FAR2: variants seen among roughly 807,000 people sequenced by gnomAD.
FAR2 encodes fatty acyl-CoA reductase 2.
In FAR2, 19 loss-of-function variants were observed where a neutral mutation model predicts 56.0. The observed-to-expected ratio is 0.34, with a 90% confidence interval of 0.24 to 0.50. The LOEUF (loss-of-function observed/expected upper bound fraction) is 0.50. FAR2 is among the 20% of genes least tolerant of loss of function. The pLI, the probability that FAR2 is intolerant of heterozygous loss-of-function variation, is 0.98. For missense variants in FAR2, 508 were observed against 642.2 expected (o/e 0.79, Z 2.26); for synonymous variants, 219 against 218.8 (o/e 1.00, Z -0.01).
chr12:29,262,070 A>T (rs1364331957), intron 1 of FAR2, among the ~76,000 whole-genome samples: 1 of 152,242 alleles, frequency 6.6e-6, no homozygotes, highest in Non-Finnish European at 1.5e-5. Flanking sequence ...AGAAAGACTA[A>T]ATGATGAACC....
intron 2 of FAR2, among the ~76,000 whole-genome samples, chr12:29,274,116 G>A (rs948205115): frequency 1.6e-4 from 24 of 151,636 alleles, no homozygotes; most frequent in South Asian, 4.2e-4. Flanking sequence ...ATATGTATAC[G>A]TGTGCCATGT....
At chr12:29,153,093 C>T (rs920991508) in intron 1 of FAR2, among the ~76,000 whole-genome samples, 2 of 152,258 alleles carry the variant, frequency 1.3e-5, no homozygotes, top group Non-Finnish European at 2.9e-5. Flanking sequence ...TGACCAGACA[C>T]TGTGCCAGCT....
At chr12:29,149,946 C>T (rs1362319560) in intron 1 of FAR2, among the ~76,000 whole-genome samples, 1 of 152,322 alleles carries the variant, frequency 6.6e-6, no homozygotes. Context: ...CAGCCCCCAG[C>T]CCCACCCCAG....
At chr12:29,258,199 G>T (rs1426194532) in intron 1 of FAR2, among the ~76,000 whole-genome samples, 4 of 136,546 alleles carry the variant, frequency 2.9e-5, no homozygotes, top group Non-Finnish European at 6.5e-5. Flanking sequence ...AAAAAAAAAT[G>T]CAAAAATTAG....
chr12:29,320,578 T>C (rs1949534177), intron 9 of FAR2, among the ~76,000 whole-genome samples: 1 of 152,222 alleles, frequency 6.6e-6, no homozygotes, highest in Non-Finnish European at 1.5e-5. Context: ...GAGCCAACTA[T>C]AGTAATCACT....
intron 1 of FAR2, among the ~76,000 whole-genome samples, chr12:29,209,662 T>C (rs1479641305): frequency 1.3e-5 from 2 of 151,940 alleles, no homozygotes; most frequent in South Asian, 2.1e-4. Flanking sequence ...ATATGTCAAC[T>C]CTTTTCTGCT....
chr12:29,222,312 G>C (rs1947705272), intron 1 of FAR2, among the ~76,000 whole-genome samples: 1 of 152,130 alleles, frequency 6.6e-6, no homozygotes, highest in African/African-American at 2.4e-5. Flanking sequence ...TCATTGTTTT[G>C]ATTGTTAAAG....
At position 29,334,004 on chromosome 12, in the gene FAR2, GA is replaced by G. The variant is rs111442698; in HGVS notation, c.*217del. 9.6e-6 allele frequency: 4 copies of G among 414,864 alleles called. No individual in the cohort carries two copies. The highest frequency in any genetic ancestry group is 1.4e-4 in the South Asian group (2 of 14,702). 25.7% of individuals were successfully genotyped at this position (414,864 alleles called of 1,614,324 possible). ...AGCCCATAGTCACCTATATTTTAGG[GA>G]AAAAAATCCAAATTGTTTCCTAACA... is the stretch of plus-strand genomic sequence containing the variant. On this transcript the variant is annotated 3_prime_UTR_variant, in exon 12 of 12. Coordinates refer to ENST00000536681, the MANE Select transcript of FAR2 (RefSeq NM_001271783.2).
At chr12:29,236,724 C>A (rs1257834028) in intron 1 of FAR2, among the ~76,000 whole-genome samples, 2 of 151,980 alleles carry the variant, frequency 1.3e-5, no homozygotes. Context: ...CTGGGGATTA[C>A]AATTCCAGAT....
intron 1 of FAR2, among the ~76,000 whole-genome samples, chr12:29,257,635 G>A (rs1055185378): frequency 3.3e-5 from 5 of 152,004 alleles, no homozygotes; most frequent in South Asian, 4.2e-4. Context: ...GCGAGACCAC[G>A]AGCCCACCGG....
At chr12:29,181,374 AT>A (rs1158653405) in intron 1 of FAR2, among the ~76,000 whole-genome samples, 1 of 152,136 alleles carries the variant, frequency 6.6e-6, no homozygotes, top group Non-Finnish European at 1.5e-5. Context: ...AAACTAGCCA[AT>A]TTTTTTAGGA....
At chr12:29,301,490 A>C (rs1949163268) in intron 4 of FAR2, 1 of 152,252 alleles carries the variant, frequency 6.6e-6, no homozygotes, top group Non-Finnish European at 1.5e-5. Flanking sequence ...ATAACTGACC[A>C]AGAAAGGCAG....
intron 1 of FAR2, among the ~76,000 whole-genome samples, chr12:29,197,621 A>C (rs531661580): frequency 6.6e-6 from 1 of 152,224 alleles, no homozygotes; most frequent in Non-Finnish European, 1.5e-5. Flanking sequence ...ATGAAGCAAA[A>C]TATGGATCCA....
At chr12:29,192,952 A>T (rs1331358613) in intron 1 of FAR2, among the ~76,000 whole-genome samples, 1 of 152,232 alleles carries the variant, frequency 6.6e-6, no homozygotes, top group African/African-American at 2.4e-5. Flanking sequence ...CACACCGTAC[A>T]TATTAAGAGA....
At chr12:29,256,299 C>T (rs777695554) in intron 1 of FAR2, among the ~76,000 whole-genome samples, 1 of 152,110 alleles carries the variant, frequency 6.6e-6, no homozygotes, top group Non-Finnish European at 1.5e-5. Context: ...GGAATCCTCC[C>T]GGCTCAGCCT....
At chr12:29,248,386 G>A (rs145272327) in intron 1 of FAR2, among the ~76,000 whole-genome samples, 2,533 of 152,140 alleles carry the variant, frequency 0.017, 32 homozygotes, top group Non-Finnish European at 0.026. Context: ...ATCACATGTC[G>A]GTAGGTTCCG....
At chr12:29,278,258 AAT>A (rs1053284719) in intron 2 of FAR2, among the ~76,000 whole-genome samples, 5 of 151,556 alleles carry the variant, frequency 3.3e-5, no homozygotes, top group African/African-American at 7.3e-5. Flanking sequence ...GTTTTAATAA[AAT>A]ATGTTTATAT....
At chr12:29,331,956 C>T (rs1949737693) in intron 10 of FAR2, 1 of 152,052 alleles carries the variant, frequency 6.6e-6, no homozygotes, top group East Asian at 1.9e-4. Flanking sequence ...TCTTTATTGT[C>T]ACTCTCTGTA....
intron 1 of FAR2, among the ~76,000 whole-genome samples, chr12:29,179,465 C>G (rs918775569): frequency 6.6e-6 from 1 of 152,190 alleles, no homozygotes; most frequent in African/African-American, 2.4e-5. Context: ...AGCCTCACAA[C>G]AAAGCAACAA....
Sources: gnomAD v4.1 joint callset for allele counts (sites outside exome capture counted in the v4.1 genomes callset) on GRCh38, gnomAD v4.1.1 for gene constraint, MANE v1.5 for transcripts, NCBI Gene and HGNC (gene_info 2026-07-23, HGNC 2026-07-21) for gene names.